KCNQ5: variants seen among roughly 807,000 people sequenced by gnomAD.
The protein encoded by KCNQ5 is potassium voltage-gated channel subfamily KQT member 5.
Under a neutral mutation model 98.2 loss-of-function variants are expected in KCNQ5, and 30 were observed. The ratio of observed to expected loss-of-function variants is 0.31; its 90% CI spans 0.23 to 0.41. The LOEUF is 0.41. Among genes scored for constraint, KCNQ5 ranks in the 10% least tolerant of loss-of-function variants. The pLI is 1.00. For synonymous variants in KCNQ5, 458 were observed against 449.4 expected (o/e 1.02, Z -0.24); for missense variants, 835 against 1,182.5 (o/e 0.71, Z 4.31).
intron 13 of KCNQ5, 71 bp downstream of exon 13, chr6:73,192,762 T>G (rs1765639255): frequency 3.2e-6 from 4 of 1,260,290 alleles, no homozygotes; most frequent in Non-Finnish European, 4.3e-6. Context: ...TAGGCAATTG[T>G]ATGTATTCCA....
chr6:73,046,360 T>G (rs951734848), intron 3 of KCNQ5, among the ~76,000 whole-genome samples: 1 of 152,182 alleles, frequency 6.6e-6, no homozygotes, highest in South Asian at 2.1e-4. Context: ...TCAAACTCCC[T>G]CAGTGCATGT....
intron 5 of KCNQ5, among the ~76,000 whole-genome samples, chr6:73,102,781 A>C (rs1366609409): frequency 1.3e-5 from 2 of 152,154 alleles, no homozygotes; most frequent in Non-Finnish European, 2.9e-5. Flanking sequence ...GGATTTGGAG[A>C]AAAGGACAGG....
At chr6:72,685,451 A>G (rs538212691) in intron 1 of KCNQ5, among the ~76,000 whole-genome samples, 1 of 152,250 alleles carries the variant, frequency 6.6e-6, no homozygotes, top group Non-Finnish European at 1.5e-5. Flanking sequence ...GGTGGTTAAC[A>G]GTGAGAATTC....
intron 1 of KCNQ5, among the ~76,000 whole-genome samples, chr6:72,933,021 G>T (rs1204416670): frequency 6.6e-6 from 1 of 152,038 alleles, no homozygotes; most frequent in East Asian, 1.9e-4. Flanking sequence ...TAATTATGTT[G>T]CTTTAAAACA....
chr6:72,935,228 G>A (rs1448201126), intron 1 of KCNQ5, among the ~76,000 whole-genome samples: 2 of 151,638 alleles, frequency 1.3e-5, no homozygotes, highest in East Asian at 1.9e-4. Flanking sequence ...CCACCACCAC[G>A]CCCAGCTAAT....
At chr6:72,737,342 G>T (rs922854267) in intron 1 of KCNQ5, among the ~76,000 whole-genome samples, 2 of 152,112 alleles carry the variant, frequency 1.3e-5, no homozygotes, top group African/African-American at 4.8e-5. Flanking sequence ...TATAATGAAA[G>T]AAGAAAAAAT....
intron 1 of KCNQ5, among the ~76,000 whole-genome samples, chr6:72,654,400 A>G (rs1209626287): frequency 6.6e-6 from 1 of 152,092 alleles, no homozygotes; most frequent in African/African-American, 2.4e-5. Flanking sequence ...GTGGGCCGAT[A>G]CTATGTGCTA....
At chr6:72,909,625 G>T (rs1255270381) in intron 1 of KCNQ5, among the ~76,000 whole-genome samples, 4 of 152,196 alleles carry the variant, frequency 2.6e-5, no homozygotes, top group Middle Eastern at 6.8e-3. Flanking sequence ...ATGTTTTCTA[G>T]AACTCTTGAA....
intron 5 of KCNQ5, among the ~76,000 whole-genome samples, chr6:73,079,695 C>T (rs937411384): frequency 9.9e-5 from 15 of 152,174 alleles, no homozygotes; most frequent in Non-Finnish European, 1.8e-4. Context: ...TCCGGCTGCT[C>T]TTCACTATTC....
chr6:72,830,644 C>T (rs1776216431), intron 1 of KCNQ5, among the ~76,000 whole-genome samples: 1 of 152,080 alleles, frequency 6.6e-6, no homozygotes, highest in African/African-American at 2.4e-5. Context: ...AGAAGAAAAC[C>T]TCGGCAATAC....
At chr6:73,138,233 G>A (rs974803387) in intron 10 of KCNQ5, among the ~76,000 whole-genome samples, 2 of 152,160 alleles carry the variant, frequency 1.3e-5, no homozygotes, top group East Asian at 3.8e-4. Context: ...AAGATGCACA[G>A]GTGTTGCCAA....
intron 1 of KCNQ5, among the ~76,000 whole-genome samples, chr6:72,936,258 T>C (rs550245934): frequency 1.1e-4 from 17 of 152,364 alleles, no homozygotes; most frequent in African/African-American, 3.8e-4. Flanking sequence ...TATCCCATTA[T>C]TCATTTTTGT....
At chr6:72,964,941 T>C (rs1450951042) in intron 1 of KCNQ5, among the ~76,000 whole-genome samples, 4 of 107,504 alleles carry the variant, frequency 3.7e-5, no homozygotes, top group African/African-American at 1.0e-4. Flanking sequence ...CGTGCTTTTT[T>C]TAAAAAAAAA....
intron 3 of KCNQ5, among the ~76,000 whole-genome samples, chr6:73,058,256 C>CA (rs1416031500): frequency 6.6e-6 from 1 of 152,082 alleles, no homozygotes; most frequent in East Asian, 1.9e-4. Flanking sequence ...ACTAAAATTA[C>CA]AAAAAATTAG....
intron 2 of KCNQ5, among the ~76,000 whole-genome samples, chr6:73,025,823 T>G (rs370607834): frequency 2.0e-5 from 3 of 152,296 alleles, no homozygotes; most frequent in Admixed American, 1.3e-4. Context: ...CTTGGAAACT[T>G]GTCCGTTCAT....
At chr6:72,848,063 C>T (rs1291699956) in intron 1 of KCNQ5, among the ~76,000 whole-genome samples, 1 of 151,774 alleles carries the variant, frequency 6.6e-6, no homozygotes, top group African/African-American at 2.4e-5. Context: ...AAAGGAAATA[C>T]CTGAAATTAG....
intron 5 of KCNQ5, among the ~76,000 whole-genome samples, chr6:73,104,431 T>TA (rs1399658410): frequency 6.6e-6 from 1 of 151,794 alleles, no homozygotes; most frequent in Non-Finnish European, 1.5e-5. Context: ...TATAAAATAT[T>TA]AAAAAAATAA....
chr6:73,021,179 G>A (rs1313997354), intron 2 of KCNQ5, among the ~76,000 whole-genome samples: 1 of 152,182 alleles, frequency 6.6e-6, no homozygotes, highest in East Asian at 1.9e-4. Context: ...ACAGCTCAGA[G>A]GGAATGGTCT....
At chr6:72,806,871 C>T (rs1774986510) in intron 1 of KCNQ5, 2 of 443,552 alleles carry the variant, frequency 4.5e-6, no homozygotes, top group South Asian at 3.2e-5. Context: ...TCGTTTTTCT[C>T]CCATATGAGA....
Sources: allele counts gnomAD v4.1 joint callset (sites outside exome capture counted in the v4.1 genomes callset), GRCh38; gene constraint gnomAD v4.1.1; transcripts MANE v1.5; gene names NCBI Gene and HGNC (gene_info 2026-07-23, HGNC 2026-07-21).